Variants in BNC2 observed in about 807,000 individuals in gnomAD.
BNC2 encodes basonuclin zinc finger protein 2.
Under a neutral mutation model 76.3 loss-of-function variants are expected in BNC2, and 20 were observed. The ratio of observed to expected loss-of-function variants is 0.26; its 90% CI spans 0.18 to 0.38. BNC2 has a LOEUF of 0.38. BNC2 is among the 10% of genes least tolerant of loss of function. The pLI, the probability that BNC2 is intolerant of heterozygous loss-of-function variation, is 1.00. For synonymous variants in BNC2, 582 were observed against 514.8 expected, an observed-to-expected ratio of 1.13 and a Z score of -1.77; for missense variants, 1,382 against 1,399.8, an observed-to-expected ratio of 0.99 and a Z score of 0.20.
chr9:16,532,737 T>G (rs545286996), intron 5 of BNC2, among the ~76,000 whole-genome samples: 1 of 152,230 alleles, frequency 6.6e-6, no homozygotes, highest in African/African-American at 2.4e-5. Context: ...TTTGACTACA[T>G]TTTACTATTA....
chr9:16,697,252 G>A (rs1351647049), intron 3 of BNC2, among the ~76,000 whole-genome samples: 2 of 152,162 alleles, frequency 1.3e-5, no homozygotes, highest in African/African-American at 4.8e-5. Flanking sequence ...CAGCTACTCA[G>A]GAGGCTGAGG....
chr9:16,434,259 A>T (rs1185941856), intron 6 of BNC2, among the ~76,000 whole-genome samples: 1 of 152,222 alleles, frequency 6.6e-6, no homozygotes, highest in Non-Finnish European at 1.5e-5. Flanking sequence ...TATTTTAAAA[A>T]GGATTGATCT....
At chr9:16,650,431 G>A (rs1213284272) in intron 3 of BNC2, among the ~76,000 whole-genome samples, 1 of 152,060 alleles carries the variant, frequency 6.6e-6, no homozygotes, top group Non-Finnish European at 1.5e-5. Flanking sequence ...GAAAATTAAA[G>A]CCTTTTCAGT....
At chr9:16,505,946 C>T (rs1343135099) in intron 5 of BNC2, among the ~76,000 whole-genome samples, 1 of 152,154 alleles carries the variant, frequency 6.6e-6, no homozygotes. Flanking sequence ...TTCTGGAGTA[C>T]AGCAACCAGA....
Position 16,419,524 on chromosome 9 carries a change from C to T in BNC2, c.2765G>A (p.Gly922Asp), listed in dbSNP as rs3739716. 19 of 1,613,972 alleles carry T rather than the reference C, an allele frequency of 1.2e-5. No homozygotes were observed. The East Asian group carries it at 4.2e-4, about 36-fold the overall frequency. Residue 922 changes from glycine to aspartate, a missense_variant, in exon 7 of 7, where the codon GGT becomes GAT. Gly to Asp is a moderately conservative substitution (Grantham distance 94, BLOSUM62 -1). Around this residue, in one of 3 missense-constraint regions of BNC2, gnomAD observed 798 missense variants for 775.5 expected, o/e 1.03. Coordinates refer to ENST00000380672, the MANE Select transcript of BNC2 (RefSeq NM_017637.6). ...LRDEFLVKIY[G>D]AQHPMGLDVR... Reference sequence around the variant, plus strand: ...ATCGAGCCCCATGGGGTGCTGGGCACCATATATCTTCACCAAAAATTCATC... The same window carrying T: ...ATCGAGCCCCATGGGGTGCTGGGCATCATATATCTTCACCAAAAATTCATC...
In BNC2 at chr9:16,412,136, A is replaced by G. The variant is rs2118904901; in HGVS notation, c.*6853T>C. ...TACTTGTACTTACCAAAGTTCTTCA[A>G]AGTGGAGAATTTACCTTTTACTCAT... On this transcript the variant is annotated 3_prime_UTR_variant, in exon 7 of 7. Transcript: ENST00000380672. 1 of 152,752 alleles carries G rather than the reference A, an allele frequency of 6.5e-6. No individual in the cohort carries two copies. The highest frequency in any genetic ancestry group is 2.1e-4 in the South Asian group (1 of 4,822). 9.5% of individuals were successfully genotyped at this position (152,752 alleles called of 1,614,324 possible).
At chr9:16,572,782 A>G (rs1819362305) in intron 4 of BNC2, among the ~76,000 whole-genome samples, 2 of 152,150 alleles carry the variant, frequency 1.3e-5, no homozygotes, top group South Asian at 4.1e-4. Context: ...AAGAGTTTAC[A>G]GTGGTGACTC....
At chr9:16,481,483 GAAGA>G (rs1822055040) in intron 5 of BNC2, among the ~76,000 whole-genome samples, 1 of 152,074 alleles carries the variant, frequency 6.6e-6, no homozygotes, top group African/African-American at 2.4e-5. Context: ...CCACTAGAAG[GAAGA>G]AACTCCAAAC....
chr9:16,797,816 G>A (rs1169964138), intron 1 of BNC2, among the ~76,000 whole-genome samples: 1 of 152,036 alleles, frequency 6.6e-6, no homozygotes, highest in Non-Finnish European at 1.5e-5. Flanking sequence ...CTACCAGTGT[G>A]GCATGAAAAT....
intron 3 of BNC2, among the ~76,000 whole-genome samples, chr9:16,707,995 TATTAGGAA>T (rs1389475525): frequency 1.3e-5 from 2 of 152,158 alleles, no homozygotes; most frequent in Non-Finnish European, 2.9e-5. Flanking sequence ...ATGCATCACA[TATTAGGAA>T]ATCAGAGCAT....
At chr9:16,469,764 A>G (rs1821780369) in intron 5 of BNC2, among the ~76,000 whole-genome samples, 1 of 152,180 alleles carries the variant, frequency 6.6e-6, no homozygotes, top group Non-Finnish European at 1.5e-5. Context: ...TGATAGCAAT[A>G]TGGACAATAA....
At chr9:16,723,252 G>T (rs1824216500) in intron 3 of BNC2, among the ~76,000 whole-genome samples, 1 of 152,106 alleles carries the variant, frequency 6.6e-6, no homozygotes, top group African/African-American at 2.4e-5. Flanking sequence ...GATGGATGAT[G>T]CCTGGCAATG....
intron 3 of BNC2, among the ~76,000 whole-genome samples, chr9:16,718,331 C>T (rs1476857750): frequency 6.6e-6 from 1 of 152,172 alleles, no homozygotes; most frequent in Non-Finnish European, 1.5e-5. Context: ...TTATCCCTTC[C>T]TACTTACATT....
rs1008969467 is a variant in BNC2, at chr9:16,416,700, G to A, written c.*2289C>T. ...GTAGAACAAATGAAGAATTAAAATG[G>A]ACCCCATAGCATCCTCTGAAGGAGG... is the stretch of plus-strand genomic sequence containing the variant. On this transcript the variant is annotated 3_prime_UTR_variant, in exon 7 of 7. Transcript: ENST00000380672. 1 of 152,558 alleles carries A rather than the reference G, an allele frequency of 6.6e-6. No homozygotes were observed. The highest frequency in any genetic ancestry group is 2.4e-5 in the African/African-American group (1 of 41,436). 9.5% of individuals were successfully genotyped at this position (152,558 alleles called of 1,614,324 possible).
At chr9:16,805,650 G>A (rs1001483399) in intron 1 of BNC2, among the ~76,000 whole-genome samples, 1 of 151,646 alleles carries the variant, frequency 6.6e-6, no homozygotes, top group African/African-American at 2.4e-5. Context: ...TAAACTACAT[G>A]GAAACTGCAT....
At chr9:16,502,154 G>A (rs1276687803) in intron 5 of BNC2, among the ~76,000 whole-genome samples, 3 of 152,070 alleles carry the variant, frequency 2.0e-5, no homozygotes, top group Non-Finnish European at 4.4e-5. Context: ...CTTGAGGGTA[G>A]GAGTTTGAGA....
chr9:16,580,245 AC>A (rs1819596158), intron 4 of BNC2: 1 of 398,060 alleles, frequency 2.5e-6, no homozygotes, highest in Non-Finnish European at 4.4e-6. Flanking sequence ...CTAGAGGCCA[AC>A]CCCTCACTGC....
chr9:16,498,832 T>A (rs1310777730), intron 5 of BNC2, among the ~76,000 whole-genome samples: 1 of 152,100 alleles, frequency 6.6e-6, no homozygotes, highest in East Asian at 1.9e-4. Context: ...TGATTCTAAA[T>A]CCTATTGTCC....
At chr9:16,843,193 G>C (rs1364338046) in intron 1 of BNC2, among the ~76,000 whole-genome samples, 2 of 152,162 alleles carry the variant, frequency 1.3e-5, no homozygotes, top group East Asian at 3.9e-4. Flanking sequence ...ATATTCAGTA[G>C]CAGAATCAGT....
Sources: gnomAD v4.1 joint callset for allele counts (sites outside exome capture counted in the v4.1 genomes callset) on GRCh38, gnomAD v4.1.1 for gene constraint, gnomAD v4.1.1 regional missense constraint, MANE v1.5 for transcripts, NCBI Gene and HGNC (gene_info 2026-07-23, HGNC 2026-07-21) for gene names.